ARHGEF7: variants seen among roughly 807,000 people sequenced by gnomAD.
The protein encoded by ARHGEF7 is PAK-interacting exchange factor beta.
In ARHGEF7, 33 loss-of-function variants were observed where a neutral mutation model predicts 109.8. The observed-to-expected ratio is 0.30, with a 90% CI of 0.23 to 0.40. ARHGEF7 has a LOEUF of 0.40. Among genes scored for constraint, ARHGEF7 ranks in the 10% least tolerant of loss-of-function variants. The pLI is 1.00. For missense variants in ARHGEF7, 938 were observed against 1,098.5 expected (o/e 0.85, Z 2.07); for synonymous variants, 458 against 424.6 (o/e 1.08, Z -0.97).
chr13:111,127,792 A>C (rs1017607998), intron 1 of ARHGEF7, among the ~76,000 whole-genome samples: 76 of 152,180 alleles, frequency 5.0e-4, no homozygotes, highest in African/African-American at 1.8e-3. Context: ...ACTATAGGCC[A>C]ATAACCCCTA....
intron 8 of ARHGEF7, among the ~76,000 whole-genome samples, chr13:111,262,410 G>C (rs1193790342): frequency 6.6e-6 from 1 of 151,928 alleles, no homozygotes; most frequent in Non-Finnish European, 1.5e-5. Flanking sequence ...GTGTGTGTGT[G>C]TGCATGTGTG....
chr13:111,208,001 C>A (rs2082087065), intron 3 of ARHGEF7, among the ~76,000 whole-genome samples: 1 of 152,110 alleles, frequency 6.6e-6, no homozygotes, highest in South Asian at 2.1e-4. Flanking sequence ...TTTCTGTTTG[C>A]CCTTTGTTTT....
chr13:111,203,029 GAT>G, intron 2 of ARHGEF7: 1 of 1,247,128 alleles, frequency 8.0e-7, no homozygotes, highest in Non-Finnish European at 1.0e-6. Context: ...AAGTAAGAAA[GAT>G]ATATAGTTCT....
chr13:111,135,845 G>A (rs1470676894), intron 1 of ARHGEF7, among the ~76,000 whole-genome samples: 1 of 152,174 alleles, frequency 6.6e-6, no homozygotes, highest in Non-Finnish European at 1.5e-5. Context: ...GAATAGGAGT[G>A]GTGAGAGAGG....
intron 1 of ARHGEF7, among the ~76,000 whole-genome samples, chr13:111,123,300 G>A (rs780041436): frequency 2.0e-5 from 3 of 152,164 alleles, no homozygotes; most frequent in Non-Finnish European, 4.4e-5. Context: ...GGAGAACTCA[G>A]TTGTCCCTGC....
intron 16 of ARHGEF7, 102 bp from the exon 17 acceptor site, chr13:111,286,045 A>G (rs558349369): frequency 7.5e-6 from 6 of 803,252 alleles, no homozygotes; most frequent in South Asian, 3.1e-5. Context: ...ATCAGTGGCT[A>G]TAATAATTTG....
At chr13:111,205,960 C>T (rs182236157) in intron 3 of ARHGEF7, among the ~76,000 whole-genome samples, 25 of 152,222 alleles carry the variant, frequency 1.6e-4, no homozygotes, top group African/African-American at 4.3e-4. Context: ...GACAGGTCCT[C>T]TGAGGGAAGG....
chr13:111,205,772 G>T (rs1197328062), intron 3 of ARHGEF7, among the ~76,000 whole-genome samples: 1 of 152,096 alleles, frequency 6.6e-6, no homozygotes, highest in Admixed American at 6.5e-5. Context: ...CATGATAAGG[G>T]AGTGGCTCGT....
At chr13:111,202,291 C>A (rs910011401) in intron 2 of ARHGEF7, among the ~76,000 whole-genome samples, 1 of 152,208 alleles carries the variant, frequency 6.6e-6, no homozygotes. Flanking sequence ...CCTTCCTTAC[C>A]TCACCAGGAG....
intron 2 of ARHGEF7, among the ~76,000 whole-genome samples, chr13:111,155,952 G>A (rs1312986382): frequency 1.3e-5 from 2 of 152,006 alleles, no homozygotes; most frequent in Non-Finnish European, 2.9e-5. Context: ...CGGCGTGGTG[G>A]CGTGCACCTG....
chr13:111,277,493 A>C (rs1039959925), intron 12 of ARHGEF7, 94 bp from the exon 13 acceptor site: 2 of 737,138 alleles, frequency 2.7e-6, no homozygotes, highest in East Asian at 5.1e-5. Context: ...GTAATGTTTC[A>C]TAGGGCCTAG....
At chr13:111,118,183 C>T (rs998710626) in intron 1 of ARHGEF7, among the ~76,000 whole-genome samples, 13 of 152,304 alleles carry the variant, frequency 8.5e-5, no homozygotes, top group African/African-American at 2.6e-4. Context: ...CCTCGGGCTT[C>T]CCATATGTCT....
intron 5 of ARHGEF7, among the ~76,000 whole-genome samples, chr13:111,225,745 T>C (rs1026848844): frequency 2.0e-5 from 3 of 152,176 alleles, no homozygotes; most frequent in African/African-American, 7.2e-5. Context: ...GCAGACTTAA[T>C]TGATAAATGT....
chr13:111,254,135 C>T (rs1475224126), intron 8 of ARHGEF7, among the ~76,000 whole-genome samples: 2 of 152,310 alleles, frequency 1.3e-5, no homozygotes, highest in Non-Finnish European at 2.9e-5. Context: ...CAGTCCTTTA[C>T]TCAGATTGTT....
At chr13:111,114,880 A>C (rs2066640352), upstream of ARHGEF7, 3 of 152,288 alleles carry the variant, frequency 2.0e-5, no homozygotes, top group South Asian at 6.2e-4. Context: ...AAGGTAGCAA[A>C]GCGAAACAAA....
At chr13:111,286,317 A>G in intron 17 of ARHGEF7, 77 bp downstream of exon 17, 1 of 1,235,996 alleles carries the variant, frequency 8.1e-7, no homozygotes, top group Non-Finnish European at 1.2e-6. Context: ...GGATAGAGGG[A>G]GGCTTGGTGG....
At position 111,123,870 on chromosome 13, in the gene ARHGEF7, C is replaced by CG. The variant is rs1427243252; in HGVS notation, c.165+8179_165+8180insG. On this transcript the variant is annotated intron_variant, in intron 1 of 21. Transcript: ENST00000646102. ...GTTGGCTGGTGGGCTGCGCCCCCCC[C>CG]CCCCGGCCCCGCCCCCTGCCCCTGC... is the stretch of plus-strand genomic sequence containing the variant. Among the ~76,000 whole-genome samples the CG allele has an allele frequency of 4.8e-5, 7 of 146,458 alleles. 1 individual carries two copies. The East Asian group carries it at 1.4e-3, about 29-fold the overall frequency.
intron 2 of ARHGEF7, among the ~76,000 whole-genome samples, chr13:111,197,290 G>A (rs919017576): frequency 4.6e-5 from 7 of 152,184 alleles, no homozygotes; most frequent in Admixed American, 2.0e-4. Flanking sequence ...GAACAGTTGC[G>A]CTCACTGACA....
In ARHGEF7 at chr13:111,273,764, TTGTC is replaced by T; in HGVS notation, c.1074-48_1074-45del. 1 of 1,604,684 alleles carries T rather than the reference TTGTC, an allele frequency of 6.2e-7. No individual in the cohort carries two copies. The highest frequency in any genetic ancestry group is 8.5e-7 in the Non-Finnish European group (1 of 1,171,942). On this transcript the variant is annotated intron_variant, in intron 9 of 21. Coordinates refer to ENST00000646102, the MANE Select transcript of ARHGEF7 (RefSeq NM_001354046.2). This position sits in a 1 kb window ranked among gnomAD's most constrained non-coding sequence, Gnocchi z 4.5. ...GCTCATGGAGATGAGAGAGCCACCA[TTGTC>T]TCTCATTGCTAACCACGAGTGTCTC... is the stretch of plus-strand genomic sequence containing the variant.
Sources: allele counts gnomAD v4.1 joint callset (sites outside exome capture counted in the v4.1 genomes callset), GRCh38; gene constraint gnomAD v4.1.1; non-coding constraint Gnocchi (gnomAD v3.1); transcripts MANE v1.5; gene names NCBI Gene and HGNC (gene_info 2026-07-23, HGNC 2026-07-21).